HTR3B: variants seen among roughly 807,000 people sequenced by gnomAD.
The protein encoded by HTR3B is 5-hydroxytryptamine receptor 3B.
A neutral mutation model predicts 42.8 loss-of-function variants in HTR3B; 44 were observed. The observed-to-expected ratio is 1.03, with a 90% confidence interval of 0.81 to 1.32. The LOEUF is 1.32. HTR3B is among the 40% of genes most tolerant of loss of function. The pLI is 0.00. For synonymous variants in HTR3B, 203 were observed against 209.0 expected, an observed-to-expected ratio of 0.97 and a Z score of 0.25; for missense variants, 527 against 536.5, an observed-to-expected ratio of 0.98 and a Z score of 0.17.
chr11:113,924,175 A>G (rs1949944882), intron 2 of HTR3B, among the ~76,000 whole-genome samples: 1 of 152,232 alleles, frequency 6.6e-6, no homozygotes, highest in Non-Finnish European at 1.5e-5. Flanking sequence ...GTCAACTACT[A>G]TATATCTCAG....
At position 113,931,737 on chromosome 11, in the gene HTR3B, CT is replaced by C. The variant is rs770914175; in HGVS notation, c.259-16del. 4.2e-6 allele frequency: 6 copies of C among 1,421,170 alleles called. No homozygotes were observed. Among genetic ancestry groups the C allele is most frequent in the South Asian group, 1.1e-5 (1 of 86,964 alleles). 88.0% of individuals were successfully genotyped at this position (1,421,170 alleles called of 1,614,324 possible). ...ATATTGCCCCATTTTGATAAGTTTT[CT>C]TTTTGGCTACTACTAACAGGTCTGG... On this transcript the variant is annotated intron_variant, in intron 3 of 8. Coordinates refer to ENST00000260191, the MANE Select transcript of HTR3B (RefSeq NM_006028.5).
Position 113,946,165 on chromosome 11 carries a change from C to T in HTR3B, c.*28C>T. On this transcript the variant is annotated 3_prime_UTR_variant, in exon 9 of 9. Coordinates refer to ENST00000260191, the MANE Select transcript of HTR3B (RefSeq NM_006028.5). ...ACTGAAGTGTTCTTCAGTAATTGTG[C>T]TGGCACTTAGGAGAGAGAGGAGGGG... 1 of 1,544,074 alleles carries T rather than the reference C, an allele frequency of 6.5e-7. No individual in the cohort carries two copies. Among genetic ancestry groups the T allele is most frequent in the Non-Finnish European group, 8.9e-7 (1 of 1,118,238 alleles).
In HTR3B at chr11:113,946,142, T is replaced by G; in HGVS notation, c.*5T>G. On this transcript the variant is annotated 3_prime_UTR_variant, in exon 9 of 9. Coordinates refer to ENST00000260191, the MANE Select transcript of HTR3B (RefSeq NM_006028.5). ...GCACTGTGGGGCGGCGTGTGAAGAC[T>G]GAAGTGTTCTTCAGTAATTGTGCTG... The G allele has an allele frequency of 6.3e-7, 1 of 1,596,230 alleles. No individual in the cohort carries two copies. The highest frequency in any genetic ancestry group is 8.6e-7 in the Non-Finnish European group (1 of 1,164,260).
At chr11:113,940,885 C>A (rs1181700932) in intron 6 of HTR3B, among the ~76,000 whole-genome samples, 5 of 152,202 alleles carry the variant, frequency 3.3e-5, no homozygotes, top group African/African-American at 1.2e-4. Context: ...GAGAAGAACC[C>A]TGCACTCAAC....
intron 2 of HTR3B, among the ~76,000 whole-genome samples, chr11:113,918,263 G>A (rs1296834166): frequency 1.7e-5 from 2 of 114,944 alleles, no homozygotes; most frequent in Admixed American, 9.5e-5. Flanking sequence ...CTGCTTGTGT[G>A]TACTCGTGTG....
Position 113,933,016 on chromosome 11 carries a change from T to C in HTR3B, c.619T>C (p.Trp207Arg). The C allele has an allele frequency of 6.2e-7, 1 of 1,614,016 alleles. No individual in the cohort carries two copies. The highest frequency in any genetic ancestry group is 8.5e-7 in the Non-Finnish European group (1 of 1,179,972). The change falls in exon 6 of 9, where the codon TGG becomes CGG. Residue 207 changes from tryptophan to arginine, a missense_variant. Trp to Arg is a moderately radical substitution (Grantham distance 101, BLOSUM62 -3). Transcript: ENST00000260191. The stretch of plus-strand genomic sequence containing the variant: ...AAAGGCGTTTTTGAATGACAGTGAG[T>C]GGGAACTTCTATCTGTGTCCTCCAC... ...DKKAFLNDSE[W>R]ELLSVSSTYS...
At chr11:113,901,096 C>T (rs1489666181), upstream of HTR3B, among the ~76,000 whole-genome samples, 1 of 152,022 alleles carries the variant, frequency 6.6e-6, no homozygotes, top group Non-Finnish European at 1.5e-5. Flanking sequence ...GAGGAGGGAC[C>T]ATTTTTGTGA....
At chr11:113,941,735 A>T (rs955410304) in intron 6 of HTR3B, among the ~76,000 whole-genome samples, 3 of 152,072 alleles carry the variant, frequency 2.0e-5, no homozygotes, top group Non-Finnish European at 4.4e-5. Context: ...TTAGCTCTCC[A>T]TTTCTGCCCC....
intron 2 of HTR3B, among the ~76,000 whole-genome samples, chr11:113,915,286 C>T (rs968320442): frequency 2.6e-5 from 4 of 152,296 alleles, no homozygotes; most frequent in Admixed American, 2.6e-4. Flanking sequence ...TTACTGCAGC[C>T]TCAACCTCCC....
At chr11:113,940,854 C>T (rs1565567374) in intron 6 of HTR3B, among the ~76,000 whole-genome samples, 1 of 152,212 alleles carries the variant, frequency 6.6e-6, no homozygotes, top group Non-Finnish European at 1.5e-5. Flanking sequence ...CACTCTTCTC[C>T]AGTGGGAGAT....
At chr11:113,913,600 T>C (rs1565557232) in intron 2 of HTR3B, among the ~76,000 whole-genome samples, 1 of 151,984 alleles carries the variant, frequency 6.6e-6, no homozygotes, top group African/African-American at 2.4e-5. Flanking sequence ...CTGTAACCTC[T>C]GCCTCCCAGG....
intron 6 of HTR3B, among the ~76,000 whole-genome samples, chr11:113,936,847 G>A (rs1950095886): frequency 6.6e-6 from 1 of 152,026 alleles, no homozygotes; most frequent in Admixed American, 6.6e-5. Context: ...GTACTGGTGG[G>A]GTCTACCATC....
Position 113,904,868 on chromosome 11 carries a change from A to T in HTR3B, c.-66A>T. 1 of 1,250,920 alleles carries T rather than the reference A, an allele frequency of 8.0e-7. No homozygotes were observed. Among genetic ancestry groups the T allele is most frequent in the East Asian group, 2.3e-5 (1 of 43,136 alleles). 77.5% of individuals were successfully genotyped at this position (1,250,920 alleles called of 1,614,324 possible). A position where few individuals can be genotyped will look rare whatever the true frequency, so the allele number is the denominator to read the frequency against. On this transcript the variant is annotated 5_prime_UTR_variant, in exon 1 of 9. Coordinates refer to ENST00000260191, the MANE Select transcript of HTR3B (RefSeq NM_006028.5). ...CAGAGTGGAGAGGAACCCTGTTAGG[A>T]GAAATTGAGCGGCATTCCATCTGGT...
In HTR3B at chr11:113,931,418, G is replaced by A. The variant is rs1950034087; in HGVS notation, c.248G>A (p.Trp83Ter). The change falls in exon 3 of 9, where the codon TGG becomes TAG. Residue 83 changes from tryptophan to a stop codon, truncating the protein, a stop_gained. Coordinates refer to ENST00000260191, the MANE Select transcript of HTR3B (RefSeq NM_006028.5). LOFTEE classifies it high-confidence loss of function. Reference protein sequence around the residue: ...AENQILKTSVWYQEVWNDEFL... With the variant: ...AENQILKTSV ...AATCAAATATTAAAGACAAGTGTAT[G>A]GTACCAAGAGGTAAATAATTATGTT... The A allele has an allele frequency of 5.7e-6, 9 of 1,588,476 alleles. No individual in the cohort carries two copies. The highest frequency in any genetic ancestry group is 6.9e-6 in the Non-Finnish European group (8 of 1,163,614).
intron 2 of HTR3B, among the ~76,000 whole-genome samples, chr11:113,930,945 C>T (rs530921666): frequency 5.9e-5 from 9 of 152,204 alleles, no homozygotes; most frequent in Non-Finnish European, 1.3e-4. Context: ...TCCAAACATA[C>T]GGTAACTTAA....
At position 113,931,467 on chromosome 11, in the gene HTR3B, T is replaced by A. The variant is rs760129143; in HGVS notation, c.258+39T>A. On this transcript the variant is annotated intron_variant, in intron 3 of 8. Transcript: ENST00000260191. ...TTTTCTTCTAAATATATTGCACTCCTGATCTGGATCTGCTGCAAAATATAG... is the reference window on the plus strand; with the variant it reads ...TTTTCTTCTAAATATATTGCACTCCAGATCTGGATCTGCTGCAAAATATAG... 13 of 1,268,764 alleles carry A rather than the reference T, an allele frequency of 1.0e-5. No individual in the cohort carries two copies. In the Admixed American group the frequency reaches 1.6e-4, roughly 16 times the overall value. The allele number at this position is 1,268,764 out of a possible 1,614,324, so 78.6% of individuals were successfully genotyped here. A position where few individuals can be genotyped will look rare whatever the true frequency, so the allele number is the denominator to read the frequency against.
At chr11:113,911,818 G>A (rs777599242) in intron 2 of HTR3B, among the ~76,000 whole-genome samples, 2 of 151,980 alleles carry the variant, frequency 1.3e-5, no homozygotes, top group African/African-American at 2.4e-5. Context: ...CATGAGCCAC[G>A]GTGCCCGGCC....
rs995377178 is a variant in HTR3B, at chr11:113,931,489, A to G, written c.258+61A>G. 8.8e-5 allele frequency: 92 copies of G among 1,041,354 alleles called. 1 individual carries two copies. Among genetic ancestry groups the G allele is most frequent in the African/African-American group, 1.3e-4 (8 of 62,174 alleles). The allele number at this position is 1,041,354 out of a possible 1,614,324, so 64.5% of individuals were successfully genotyped here. A position where few individuals can be genotyped will look rare whatever the true frequency, so the allele number is the denominator to read the frequency against. Reference sequence around the variant, plus strand: ...TCCTGATCTGGATCTGCTGCAAAATATAGTTATTTAAGAAATAGGTATTAT... The same window carrying G: ...TCCTGATCTGGATCTGCTGCAAAATGTAGTTATTTAAGAAATAGGTATTAT... On this transcript the variant is annotated intron_variant, in intron 3 of 8. Transcript: ENST00000260191.
Position 113,909,448 on chromosome 11 carries a change from T to G in HTR3B, c.206T>G (p.Leu69Trp). The change falls in exon 2 of 9, where the codon TTG becomes TGG. Residue 69 changes from leucine to tryptophan, a missense_variant. Physicochemically the swap from Leu to Trp is moderately conservative, Grantham distance 61 (BLOSUM62 -2). Transcript: ENST00000260191. ...VYLDLFVHAILDVDAENQILK... is the reference protein window; with the variant it reads ...VYLDLFVHAIWDVDAENQILK... The stretch of plus-strand genomic sequence containing the variant: ...CTGGACCTGTTCGTCCATGCTATAT[T>G]GGATGTGGTAAGGACCATCTTGCCC... The G allele has an allele frequency of 6.2e-7, 1 of 1,613,848 alleles. No individual in the cohort carries two copies. Among genetic ancestry groups the G allele is most frequent in the Non-Finnish European group, 8.5e-7 (1 of 1,179,886 alleles).
Sources: gnomAD v4.1 joint callset for allele counts (sites outside exome capture counted in the v4.1 genomes callset) on GRCh38, gnomAD v4.1.1 for gene constraint, MANE v1.5 for transcripts, NCBI Gene and HGNC (gene_info 2026-07-23, HGNC 2026-07-21) for gene names.